The following MCTP1 variants were observed in gnomAD, a reference collection of about 807,000 sequenced individuals.
MCTP1 encodes multiple C2 and transmembrane domain containing 1.
In MCTP1, 69 loss-of-function variants were observed where a neutral mutation model predicts 120.6. The ratio of observed to expected loss-of-function variants is 0.57; its 90% CI spans 0.47 to 0.70. The LOEUF is 0.70. Ranked by LOEUF, MCTP1 falls within the 30% of genes least tolerant of loss-of-function variation. The pLI is 0.00. For synonymous variants in MCTP1, 529 were observed against 493.1 expected (o/e 1.07, Z -0.96); for missense variants, 1,203 against 1,248.8 (o/e 0.96, Z 0.55).
intron 1 of MCTP1, among the ~76,000 whole-genome samples, chr5:95,148,359 C>T (rs1760602382): frequency 6.6e-6 from 1 of 152,166 alleles, no homozygotes; most frequent in Non-Finnish European, 1.5e-5. Context: ...GATTTGGTCT[C>T]TTTATAAAAT....
At chr5:95,095,349 T>A (rs752331521) in intron 1 of MCTP1, among the ~76,000 whole-genome samples, 32 of 152,342 alleles carry the variant, frequency 2.1e-4, no homozygotes, top group Non-Finnish European at 4.4e-4. Flanking sequence ...TAACAACTAT[T>A]TCCTCCAAGG....
Position 95,197,388 on chromosome 5 carries a change from G to A in MCTP1, c.720+86468C>T, listed in dbSNP as rs1750509803. Among the ~76,000 whole-genome samples the A allele has an allele frequency of 4.6e-5, 7 of 152,036 alleles. No homozygotes were observed. In the South Asian group the frequency reaches 1.4e-3, roughly 31 times the overall value. On this transcript the variant is annotated intron_variant, in intron 1 of 22. Transcript: ENST00000515393. ...TTATTCTATAGAAATCCCCACTTAGGTGGGCATGATGAAGCATGTACAAGG... is the reference window on the plus strand; with the variant it reads ...TTATTCTATAGAAATCCCCACTTAGATGGGCATGATGAAGCATGTACAAGG...
intron 1 of MCTP1, among the ~76,000 whole-genome samples, chr5:95,063,899 T>C (rs1749922262): frequency 6.6e-6 from 1 of 152,180 alleles, no homozygotes; most frequent in South Asian, 2.1e-4. Flanking sequence ...TCAGCCCAAT[T>C]ATAACAAGTC....
chr5:94,992,913 T>C (rs563365192), intron 2 of MCTP1, among the ~76,000 whole-genome samples: 1 of 152,334 alleles, frequency 6.6e-6, no homozygotes, highest in South Asian at 2.1e-4. Flanking sequence ...TTTTCTTCTA[T>C]GACAGACTGC....
intron 1 of MCTP1, among the ~76,000 whole-genome samples, chr5:95,268,159 T>C (rs461059): frequency 0.85 from 129,984 of 152,270 alleles, 55,664 homozygotes; most frequent in African/African-American, 0.93. Flanking sequence ...TATTTTTTAA[T>C]GTAATGGATG....
chr5:94,786,400 AAAT>A (rs1291076664), intron 18 of MCTP1, among the ~76,000 whole-genome samples: 4 of 152,062 alleles, frequency 2.6e-5, no homozygotes, highest in African/African-American at 9.7e-5. Context: ...CCTTTTCTAT[AAAT>A]AATGATATTT....
In MCTP1 at chr5:94,875,910, G is replaced by C. The variant is rs1798770346; in HGVS notation, c.1934-2669C>G. 4.6e-5 allele frequency among the ~76,000 whole-genome samples: 7 copies of C among 152,008 alleles called. No individual in the cohort carries two copies. In the South Asian group the frequency reaches 1.5e-3, roughly 32 times the overall value. ...CCTTTTAAAAAGTTCTCTTTTTACAGTTATCATTAATGGATGCTAACATCA... is the reference window on the plus strand; with the variant it reads ...CCTTTTAAAAAGTTCTCTTTTTACACTTATCATTAATGGATGCTAACATCA... On this transcript the variant is annotated intron_variant, in intron 12 of 22. Transcript: ENST00000515393.
intron 19 of MCTP1, among the ~76,000 whole-genome samples, chr5:94,752,137 A>ATATATATATC (rs1191548356): frequency 9.6e-6 from 1 of 104,356 alleles, no homozygotes; most frequent in Non-Finnish European, 2.0e-5. Flanking sequence ...ATATATATAT[A>ATATATATATC]TATATATATT....
intron 18 of MCTP1, among the ~76,000 whole-genome samples, chr5:94,791,173 C>T (rs960722809): frequency 2.0e-5 from 3 of 150,642 alleles, no homozygotes; most frequent in Non-Finnish European, 4.4e-5. Context: ...GTGGCAGGTG[C>T]CTGTAATCCC....
chr5:94,731,844 C>A (rs1417394073), intron 19 of MCTP1, among the ~76,000 whole-genome samples: 1 of 152,206 alleles, frequency 6.6e-6, no homozygotes, highest in Non-Finnish European at 1.5e-5. Flanking sequence ...CTTTATTAAT[C>A]TAAATATCAA....
chr5:94,992,974 C>T (rs1831893925), intron 2 of MCTP1, among the ~76,000 whole-genome samples: 1 of 152,134 alleles, frequency 6.6e-6, no homozygotes, highest in African/African-American at 2.4e-5. Context: ...AATTTTTAAA[C>T]TTGATTATGC....
chr5:94,803,086 C>T (rs763734376), intron 17 of MCTP1, among the ~76,000 whole-genome samples: 4 of 152,260 alleles, frequency 2.6e-5, no homozygotes, highest in Middle Eastern at 3.4e-3. Context: ...GGAATACATG[C>T]CCAATTCCAA....
intron 1 of MCTP1, among the ~76,000 whole-genome samples, chr5:95,019,942 T>C (rs1837873547): frequency 6.6e-6 from 1 of 152,100 alleles, no homozygotes; most frequent in African/African-American, 2.4e-5. Context: ...AGATTTAAAT[T>C]CAGACCCAGC....
At chr5:95,229,493 G>A (rs1041754843) in intron 1 of MCTP1, among the ~76,000 whole-genome samples, 3 of 152,032 alleles carry the variant, frequency 2.0e-5, no homozygotes, top group African/African-American at 7.2e-5. Context: ...GGTTACTCAC[G>A]CCTGTAATCC....
At chr5:94,819,107 ATTTATTTATT>A (rs1785079613) in intron 17 of MCTP1, among the ~76,000 whole-genome samples, 1 of 140,714 alleles carries the variant, frequency 7.1e-6, no homozygotes, top group South Asian at 2.3e-4. Context: ...TTATTTATTT[ATTTATTTATT>A]TATTCATTCA....
chr5:94,933,365 C>T (rs974756438), intron 5 of MCTP1, among the ~76,000 whole-genome samples: 3 of 151,784 alleles, frequency 2.0e-5, no homozygotes, highest in Admixed American at 6.6e-5. Context: ...TTTGATGTTA[C>T]ATGATTTATT....
At chr5:94,876,581 C>T (rs79010945) in intron 12 of MCTP1, among the ~76,000 whole-genome samples, 1 of 152,036 alleles carries the variant, frequency 6.6e-6, no homozygotes, top group African/African-American at 2.4e-5. Context: ...TTTTCTCTCT[C>T]TCACTCATTT....
intron 9 of MCTP1, among the ~76,000 whole-genome samples, chr5:94,912,415 A>G (rs1047637172): frequency 7.9e-5 from 10 of 126,890 alleles, no homozygotes; most frequent in Non-Finnish European, 1.4e-4. Context: ...CTGGTGACAG[A>G]GTGAGACTCC....
chr5:94,716,925 G>A (rs1041511017), intron 19 of MCTP1, among the ~76,000 whole-genome samples: 7 of 152,044 alleles, frequency 4.6e-5, no homozygotes, highest in Non-Finnish European at 1.0e-4. Context: ...GGCATTCAGT[G>A]TACCCAGTAT....
Sources: allele counts gnomAD v4.1 joint callset (sites outside exome capture counted in the v4.1 genomes callset), GRCh38; gene constraint gnomAD v4.1.1; transcripts MANE v1.5; gene names NCBI Gene and HGNC (gene_info 2026-07-23, HGNC 2026-07-21).